BTBD10: variants seen among roughly 807,000 people sequenced by gnomAD.
BTBD10 encodes BTB/POZ domain-containing protein 10.
A neutral mutation model predicts 53.2 loss-of-function variants in BTBD10; 21 were observed. The observed-to-expected ratio is 0.39, with a 90% CI of 0.28 to 0.57. BTBD10 has a LOEUF of 0.57. BTBD10 is among the 20% of genes least tolerant of loss of function. The pLI is 0.53. For missense variants in BTBD10, 360 were observed against 594.7 expected (o/e 0.61, Z 4.10); for synonymous variants, 149 against 192.7 (o/e 0.77, Z 1.88).
chr11:13,445,101 A>G lies in BTBD10; in HGVS notation c.24T>C (p.Tyr8=). 1 of 1,613,338 alleles carries G rather than the reference A, an allele frequency of 6.2e-7. No homozygotes were observed. The highest frequency in any genetic ancestry group is 2.2e-5 in the East Asian group (1 of 44,854). ...TCTCTGGATCACTGGAGTTACCATCATAGGGATGAGGCCGTCCTGCCATCC... is the reference window on the plus strand; with the variant it reads ...TCTCTGGATCACTGGAGTTACCATCGTAGGGATGAGGCCGTCCTGCCATCC... MAGRPHP[Y]DGNSSDPENW... The change falls in exon 2 of 9, where the codon TAT becomes TAC. Residue 8 remains tyrosine (Y), a synonymous_variant. Coordinates refer to ENST00000278174, the MANE Select transcript of BTBD10 (RefSeq NM_032320.7).
At chr11:13,457,826 G>C (rs1330886227) in intron 1 of BTBD10, among the ~76,000 whole-genome samples, 2 of 152,080 alleles carry the variant, frequency 1.3e-5, no homozygotes, top group East Asian at 3.9e-4. Flanking sequence ...ATATATTTCT[G>C]ACTGGAAGCA....
At chr11:13,396,649 C>T (rs575760450) in intron 8 of BTBD10, among the ~76,000 whole-genome samples, 6 of 152,286 alleles carry the variant, frequency 3.9e-5, no homozygotes, top group Admixed American at 3.9e-4. Context: ...CCAGTTTTTG[C>T]CCATTCAGTA....
chr11:13,403,720 T>G (rs1041128213), intron 7 of BTBD10, among the ~76,000 whole-genome samples: 3 of 152,114 alleles, frequency 2.0e-5, no homozygotes, highest in African/African-American at 7.2e-5. Context: ...ACAGATACAT[T>G]TTACATTTCA....
chr11:13,456,651 A>G (rs1014681915), intron 1 of BTBD10, among the ~76,000 whole-genome samples: 2 of 152,234 alleles, frequency 1.3e-5, no homozygotes, highest in African/African-American at 4.8e-5. Context: ...TCCTTAAAGA[A>G]GGAAAGAAAA....
At chr11:13,423,128 ATAAT>A (rs1950274618) in intron 2 of BTBD10, among the ~76,000 whole-genome samples, 1 of 152,216 alleles carries the variant, frequency 6.6e-6, no homozygotes, top group African/African-American at 2.4e-5. Context: ...TAAAATTTCA[ATAAT>A]TAGAGTACAC....
chr11:13,426,594 A>G (rs1231113391), intron 2 of BTBD10, among the ~76,000 whole-genome samples: 1 of 152,164 alleles, frequency 6.6e-6, no homozygotes, highest in Admixed American at 6.5e-5. Context: ...AAATGCAAGT[A>G]TACTTTTGTA....
chr11:13,438,736 T>C (rs1224102734), intron 2 of BTBD10, among the ~76,000 whole-genome samples: 1 of 152,010 alleles, frequency 6.6e-6, no homozygotes, highest in Non-Finnish European at 1.5e-5. Flanking sequence ...TTTTCTTCTA[T>C]ATGTTTTTCT....
At position 13,418,133 on chromosome 11, in the gene BTBD10, T is replaced by C. The variant is rs1050687921; in HGVS notation, c.585-873A>G. On this transcript the variant is annotated intron_variant, in intron 4 of 8. Transcript: ENST00000278174. ...TCCTAATTCAAATAGTTTTCTCTTT[T>C]GTTGTAACACAGAAAACTATGAACA... Among the ~76,000 whole-genome samples the C allele has an allele frequency of 2.0e-5, 3 of 152,222 alleles. No homozygotes were observed. In the South Asian group the frequency reaches 6.2e-4, roughly 32 times the overall value.
chr11:13,441,423 T>C (rs560149891), intron 2 of BTBD10, among the ~76,000 whole-genome samples: 49 of 152,180 alleles, frequency 3.2e-4, no homozygotes, highest in Non-Finnish European at 6.2e-4. Flanking sequence ...TATGTGCCAA[T>C]TTTTAAAATT....
chr11:13,425,654 C>CAT (rs1950323022), intron 2 of BTBD10, among the ~76,000 whole-genome samples: 1 of 151,938 alleles, frequency 6.6e-6, no homozygotes, highest in Non-Finnish European at 1.5e-5. Context: ...GAAAAGTATA[C>CAT]TAAATGGCCC....
chr11:13,392,120 T>G (rs1420283716), intron 8 of BTBD10, among the ~76,000 whole-genome samples: 2 of 152,206 alleles, frequency 1.3e-5, no homozygotes, highest in Admixed American at 6.5e-5. Flanking sequence ...TTGAGAGTCA[T>G]TAAATTGTTC....
At chr11:13,438,401 T>C (rs969591559) in intron 2 of BTBD10, among the ~76,000 whole-genome samples, 1 of 152,078 alleles carries the variant, frequency 6.6e-6, no homozygotes, top group Non-Finnish European at 1.5e-5. Flanking sequence ...TTCTTTCTTT[T>C]TGGAGATATT....
chr11:13,409,322 A>G (rs1420096123), intron 6 of BTBD10, among the ~76,000 whole-genome samples: 2 of 152,160 alleles, frequency 1.3e-5, no homozygotes, highest in East Asian at 1.9e-4. Context: ...TATCACTAAC[A>G]TAGCATATAT....
chr11:13,448,599 A>G (rs534940486), intron 1 of BTBD10, among the ~76,000 whole-genome samples: 6 of 152,246 alleles, frequency 3.9e-5, no homozygotes, highest in Non-Finnish European at 7.4e-5. Flanking sequence ...CTACTTTAGA[A>G]TCTTCTTTTG....
At chr11:13,440,745 A>G (rs994803143) in intron 2 of BTBD10, among the ~76,000 whole-genome samples, 4 of 152,176 alleles carry the variant, frequency 2.6e-5, no homozygotes, top group African/African-American at 9.7e-5. Flanking sequence ...TGTATGATGC[A>G]TTTATCTTTA....
intron 5 of BTBD10, among the ~76,000 whole-genome samples, chr11:13,414,950 T>G (rs1374753139): frequency 6.6e-6 from 1 of 151,602 alleles, no homozygotes; most frequent in East Asian, 1.9e-4. Flanking sequence ...TCAATGGAAG[T>G]GAAACATCTT....
At position 13,411,165 on chromosome 11, in the gene BTBD10, AG is replaced by A. The variant is rs1949934298; in HGVS notation, c.808+2364del. On this transcript the variant is annotated intron_variant, in intron 6 of 8. Transcript: ENST00000278174. Reference sequence around the variant, plus strand: ...TCAGCAAACATTTTGTTGAGTCCTTAGGATGTGCCACACACTATAGACACAA... The same window carrying A: ...TCAGCAAACATTTTGTTGAGTCCTTAGATGTGCCACACACTATAGACACAA... 4.6e-5 allele frequency among the ~76,000 whole-genome samples: 7 copies of A among 152,232 alleles called. No homozygotes were observed. The South Asian group carries it at 1.4e-3, about 32-fold the overall frequency.
Position 13,445,285 on chromosome 11 carries a change from T to C in BTBD10, c.-57-104A>G, listed in dbSNP as rs999890897. On this transcript the variant is annotated intron_variant, in intron 1 of 8. Transcript: ENST00000278174. Reference sequence around the variant, plus strand: ...TTATTGTGACATATTTTTAAAGTGATGAATAGATTATAAAATACTAACCAT... The same window carrying C: ...TTATTGTGACATATTTTTAAAGTGACGAATAGATTATAAAATACTAACCAT... The C allele has an allele frequency of 2.3e-4, 105 of 452,464 alleles. 1 individual carries two copies. Among genetic ancestry groups the C allele is most frequent in the African/African-American group, 2.0e-3 (102 of 50,108 alleles). 28.0% of individuals were successfully genotyped at this position (452,464 alleles called of 1,614,324 possible).
At chr11:13,457,161 C>CA (rs1178140982) in intron 1 of BTBD10, among the ~76,000 whole-genome samples, 3 of 150,046 alleles carry the variant, frequency 2.0e-5, no homozygotes, top group Non-Finnish European at 4.4e-5. Flanking sequence ...GACCCTGTCT[C>CA]AAAAAAAATT....
Sources: allele counts gnomAD v4.1 joint callset (sites outside exome capture counted in the v4.1 genomes callset), GRCh38; gene constraint gnomAD v4.1.1; transcripts MANE v1.5; gene names NCBI Gene and HGNC (gene_info 2026-07-23, HGNC 2026-07-21).